TMEM132D: variants seen among roughly 807,000 people sequenced by gnomAD.
TMEM132D encodes transmembrane protein 132D.
A neutral mutation model predicts 62.3 loss-of-function variants in TMEM132D; 21 were observed. The observed-to-expected ratio is 0.34, with a 90% confidence interval of 0.24 to 0.49. The LOEUF (loss-of-function observed/expected upper bound fraction) is 0.49, where lower values mean the gene tolerates loss of function less well. Ranked by LOEUF, TMEM132D falls within the 20% of genes least tolerant of loss-of-function variation. The probability of loss-of-function intolerance (pLI) is 0.99; values close to 1 mark genes in which losing one functional copy is unlikely to be tolerated. For synonymous variants in TMEM132D, 621 were observed against 575.6 expected (o/e 1.08, Z -1.13); for missense variants, 1,346 against 1,402.8 (o/e 0.96, Z 0.65).
intron 4 of TMEM132D, among the ~76,000 whole-genome samples, chr12:129,241,150 C>CAAAAAA (rs35152074): frequency 1.0e-5 from 1 of 95,646 alleles, no homozygotes; most frequent in African/African-American, 3.8e-5. Context: ...CCTCTTACCT[C>CAAAAAA]AAAAAAAAAA....
chr12:129,772,879 T>C (rs909096122), intron 1 of TMEM132D, among the ~76,000 whole-genome samples: 1 of 152,216 alleles, frequency 6.6e-6, no homozygotes, highest in Non-Finnish European at 1.5e-5. Flanking sequence ...TCCTCCCACA[T>C]CATTTATCTT....
chr12:129,439,613 A>G (rs1397543134), intron 3 of TMEM132D, among the ~76,000 whole-genome samples: 1 of 151,938 alleles, frequency 6.6e-6, no homozygotes, highest in Non-Finnish European at 1.5e-5. Context: ...ACAACTGGCT[A>G]ATTTTTGTAT....
intron 2 of TMEM132D, among the ~76,000 whole-genome samples, chr12:129,690,093 G>C (rs1262056641): frequency 6.6e-6 from 1 of 152,134 alleles, no homozygotes; most frequent in Non-Finnish European, 1.5e-5. Flanking sequence ...GGGTAAACGG[G>C]AAAACTCAGT....
chr12:129,655,445 C>T (rs889845535), intron 2 of TMEM132D, among the ~76,000 whole-genome samples: 1 of 151,928 alleles, frequency 6.6e-6, no homozygotes, highest in Non-Finnish European at 1.5e-5. Context: ...TGGGGTTTTG[C>T]CACCTTGGTC....
chr12:129,475,397 T>TA (rs1289666850), intron 3 of TMEM132D, among the ~76,000 whole-genome samples: 1 of 152,046 alleles, frequency 6.6e-6, no homozygotes, highest in East Asian at 1.9e-4. Flanking sequence ...GCAGAATCTA[T>TA]AAAAAAGGGA....
intron 1 of TMEM132D, among the ~76,000 whole-genome samples, chr12:129,724,502 AT>A (rs1234292882): frequency 1.3e-5 from 2 of 151,898 alleles, no homozygotes; most frequent in Non-Finnish European, 2.9e-5. Flanking sequence ...CATTTGTGCT[AT>A]TTTTTTGTTT....
At chr12:129,716,995 G>A (rs1413257219) in intron 1 of TMEM132D, among the ~76,000 whole-genome samples, 1 of 152,194 alleles carries the variant, frequency 6.6e-6, no homozygotes, top group Non-Finnish European at 1.5e-5. Context: ...CAGGCCTGTG[G>A]CTAACATGCA....
intron 2 of TMEM132D, among the ~76,000 whole-genome samples, chr12:129,640,064 AC>A (rs1454219614): frequency 6.6e-6 from 1 of 150,604 alleles, no homozygotes; most frequent in Non-Finnish European, 1.5e-5. Flanking sequence ...ACACATACAC[AC>A]ACACACACAC....
intron 5 of TMEM132D, among the ~76,000 whole-genome samples, chr12:129,125,694 G>C (rs1876193098): frequency 6.6e-6 from 1 of 151,466 alleles, no homozygotes; most frequent in Non-Finnish European, 1.5e-5. Context: ...GTATAAACGG[G>C]GTTTTGCTAT....
intron 5 of TMEM132D, among the ~76,000 whole-genome samples, chr12:129,204,679 C>T (rs1020707183): frequency 6.6e-6 from 1 of 152,126 alleles, no homozygotes; most frequent in Admixed American, 6.5e-5. Context: ...ATGTAGAGCA[C>T]CCCTGTGAGA....
intron 3 of TMEM132D, among the ~76,000 whole-genome samples, chr12:129,468,865 A>G (rs1566079733): frequency 6.6e-6 from 1 of 152,152 alleles, no homozygotes; most frequent in Non-Finnish European, 1.5e-5. Context: ...TTTTAATGTC[A>G]TGTTTTTAAA....
intron 4 of TMEM132D, among the ~76,000 whole-genome samples, chr12:129,278,801 C>T (rs141112165): frequency 2.6e-5 from 4 of 152,266 alleles, no homozygotes; most frequent in African/African-American, 7.2e-5. Context: ...AGACAGGATA[C>T]GTGTCATGGG....
chr12:129,635,944 A>C (rs1461821223), intron 2 of TMEM132D, among the ~76,000 whole-genome samples: 1 of 152,232 alleles, frequency 6.6e-6, no homozygotes, highest in Non-Finnish European at 1.5e-5. Context: ...GTCCTGATGC[A>C]GGGGCTGAGG....
intron 4 of TMEM132D, among the ~76,000 whole-genome samples, chr12:129,269,216 ACT>A (rs1217475902): frequency 6.6e-6 from 1 of 151,906 alleles, no homozygotes; most frequent in Non-Finnish European, 1.5e-5. Flanking sequence ...TCTCTGTGTC[ACT>A]GTTTCTTTCT....
At chr12:129,215,888 C>A (rs1356917046) in intron 4 of TMEM132D, among the ~76,000 whole-genome samples, 3 of 152,074 alleles carry the variant, frequency 2.0e-5, no homozygotes, top group Non-Finnish European at 4.4e-5. Context: ...AGGGGAAACC[C>A]CAAATAAAAT....
At chr12:129,413,784 T>C (rs927202260) in intron 3 of TMEM132D, among the ~76,000 whole-genome samples, 1 of 152,208 alleles carries the variant, frequency 6.6e-6, no homozygotes, top group African/African-American at 2.4e-5. Context: ...TCAAACCATA[T>C]GGTAAATTTT....
intron 1 of TMEM132D, among the ~76,000 whole-genome samples, chr12:129,873,619 C>T (rs984570653): frequency 1.3e-5 from 2 of 152,192 alleles, no homozygotes; most frequent in Non-Finnish European, 2.9e-5. Flanking sequence ...ATCTTTACTA[C>T]CTTGTTTCAA....
rs78628655 is a variant in TMEM132D at position 129,228,375 on chromosome 12, C to T, written c.1300-18712G>A. 9.2e-3 allele frequency among the ~76,000 whole-genome samples: 1,396 copies of T among 152,120 alleles called. 18 individuals carry two copies. The highest frequency in any genetic ancestry group is 0.032 in the African/African-American group (1,327 of 41,490). ...GCTTTATTGAGATAAAATTCATATA[C>T]CATAAAATTCATCTGCTTAAAGTGT... On this transcript the variant is annotated intron_variant, in intron 4 of 8. Coordinates refer to ENST00000422113, the MANE Select transcript of TMEM132D (RefSeq NM_133448.3).
chr12:129,610,389 A>C (rs1445232640), intron 2 of TMEM132D, among the ~76,000 whole-genome samples: 1 of 152,186 alleles, frequency 6.6e-6, no homozygotes, highest in Admixed American at 6.5e-5. Flanking sequence ...CTGTACCCCA[A>C]TCTCCCTAAA....
Sources: allele counts gnomAD v4.1 joint callset (sites outside exome capture counted in the v4.1 genomes callset), GRCh38; gene constraint gnomAD v4.1.1; transcripts MANE v1.5; gene names NCBI Gene and HGNC (gene_info 2026-07-23, HGNC 2026-07-21).